MEI4: variants seen among roughly 807,000 people sequenced by gnomAD.
MEI4 encodes the protein meiotic double-stranded break formation protein 4.
MEI4 carries 27 observed loss-of-function variants against 31.4 expected under a neutral mutation model. The observed-to-expected ratio is 0.86, with a 90% CI of 0.63 to 1.19. The LOEUF (loss-of-function observed/expected upper bound fraction) is 1.19. MEI4 is among the 50% of genes most tolerant of loss of function. The probability of loss-of-function intolerance (pLI) is 0.00; values close to 1 mark genes in which losing one functional copy is unlikely to be tolerated. For synonymous variants in MEI4, 122 were observed against 145.4 expected, an observed-to-expected ratio of 0.84 and a Z score of 1.16; for missense variants, 329 against 398.9, an observed-to-expected ratio of 0.82 and a Z score of 1.49.
chr6:77,740,863 G>T (rs1166242359), intron 2 of MEI4, among the ~76,000 whole-genome samples: 2 of 151,904 alleles, frequency 1.3e-5, no homozygotes, highest in African/African-American at 2.4e-5. Context: ...ATGTAGGAGA[G>T]CAGGCATCAA....
chr6:77,787,801 C>A (rs1488486993), intron 3 of MEI4, among the ~76,000 whole-genome samples: 1 of 152,032 alleles, frequency 6.6e-6, no homozygotes, highest in Non-Finnish European at 1.5e-5. Context: ...AGATATATAA[C>A]CACATGAAAT....
chr6:77,772,304 G>C (rs1480172502), intron 3 of MEI4, among the ~76,000 whole-genome samples: 1 of 147,610 alleles, frequency 6.8e-6, no homozygotes, highest in Non-Finnish European at 1.5e-5. Context: ...CATGAACATT[G>C]TTACAAAATC....
intron 1 of MEI4, among the ~76,000 whole-genome samples, chr6:77,678,783 A>T (rs1455774550): frequency 1.3e-5 from 2 of 152,236 alleles, no homozygotes; most frequent in African/African-American, 4.8e-5. Context: ...ATCTGCAAGA[A>T]GGCGTTATCA....
chr6:77,838,884 C>A (rs1468159304), intron 4 of MEI4, among the ~76,000 whole-genome samples: 1 of 148,480 alleles, frequency 6.7e-6, no homozygotes, highest in East Asian at 2.0e-4. Context: ...ACCTGGGCGA[C>A]AAGAGCGAAA....
At chr6:77,680,370 A>G (rs1204416549) in intron 1 of MEI4, among the ~76,000 whole-genome samples, 1 of 152,028 alleles carries the variant, frequency 6.6e-6, no homozygotes, top group African/African-American at 2.4e-5. Flanking sequence ...GGTAAGTCGC[A>G]TGGATCTTAT....
chr6:77,882,958 A>G (rs566111488), intron 4 of MEI4, among the ~76,000 whole-genome samples: 4 of 152,300 alleles, frequency 2.6e-5, no homozygotes, highest in South Asian at 4.1e-4. Flanking sequence ...TTTATTTTAG[A>G]TATATCTTTG....
chr6:77,747,422 A>T (rs1166892762), intron 2 of MEI4, among the ~76,000 whole-genome samples: 2 of 152,196 alleles, frequency 1.3e-5, no homozygotes, highest in African/African-American at 4.8e-5. Flanking sequence ...CCCTCAGGAA[A>T]CGCACAGTCA....
chr6:77,687,447 G>C (rs1769078791), intron 1 of MEI4, among the ~76,000 whole-genome samples: 1 of 152,050 alleles, frequency 6.6e-6, no homozygotes, highest in African/African-American at 2.4e-5. Context: ...GATTCTCTGG[G>C]CACGAACTAG....
intron 2 of MEI4, among the ~76,000 whole-genome samples, chr6:77,735,073 T>C (rs1333540514): frequency 4.6e-5 from 7 of 152,190 alleles, no homozygotes; most frequent in Admixed American, 1.3e-4. Flanking sequence ...TAACGTTTTT[T>C]CCTTCATTTC....
chr6:77,732,555 C>A (rs1767035059), intron 2 of MEI4, among the ~76,000 whole-genome samples: 1 of 151,966 alleles, frequency 6.6e-6, no homozygotes, highest in South Asian at 2.1e-4. Context: ...TCCAGATATA[C>A]AATCATGTCA....
chr6:77,745,641 C>A (rs1767576498), intron 2 of MEI4, among the ~76,000 whole-genome samples: 1 of 152,186 alleles, frequency 6.6e-6, no homozygotes, highest in African/African-American at 2.4e-5. Flanking sequence ...CTACAGAACT[C>A]TCCACCCCAA....
At chr6:77,908,180 T>C (rs977358947) in intron 4 of MEI4, among the ~76,000 whole-genome samples, 2 of 152,162 alleles carry the variant, frequency 1.3e-5, no homozygotes, top group African/African-American at 4.8e-5. Context: ...ATTTTGGCTT[T>C]TGTTGCCATT....
Position 77,884,078 on chromosome 6 carries a change from T to G in MEI4, c.901-39011T>G, listed in dbSNP as rs148614765. Among the ~76,000 whole-genome samples, 85 of 152,244 alleles carry G rather than the reference T, an allele frequency of 5.6e-4. 1 individual carries two copies. Among genetic ancestry groups the G allele is most frequent in the African/African-American group, 2.0e-3 (83 of 41,564 alleles). ...TGTAATAGTAAGATGATATCTCATT[T>G]TGTTTTTATATTCACTTCCCTTATG... On this transcript the variant is annotated intron_variant, in intron 4 of 4. Coordinates refer to ENST00000684080, the MANE Select transcript of MEI4 (RefSeq NM_001322247.2).
At chr6:77,730,181 G>A (rs1051653290) in intron 2 of MEI4, among the ~76,000 whole-genome samples, 3 of 152,166 alleles carry the variant, frequency 2.0e-5, no homozygotes, top group African/African-American at 7.2e-5. Flanking sequence ...CGTGTACAGT[G>A]TATAGGGGGC....
chr6:77,843,183 T>C (rs145565931), intron 4 of MEI4, among the ~76,000 whole-genome samples: 211 of 151,860 alleles, frequency 1.4e-3, no homozygotes, highest in African/African-American at 4.5e-3. Context: ...TAAATTATGC[T>C]ATGCCTTAGT....
At chr6:77,875,181 C>A (rs1401459962) in intron 4 of MEI4, among the ~76,000 whole-genome samples, 2 of 152,146 alleles carry the variant, frequency 1.3e-5, no homozygotes, top group African/African-American at 4.8e-5. Flanking sequence ...CTGTTTTGGT[C>A]TCTCTCAGTA....
intron 4 of MEI4, among the ~76,000 whole-genome samples, chr6:77,919,452 A>T (rs974231003): frequency 2.0e-5 from 3 of 152,126 alleles, no homozygotes; most frequent in Non-Finnish European, 4.4e-5. Flanking sequence ...GAAACCAACG[A>T]GAACAAAGAC....
At chr6:77,771,653 G>A (rs112386088) in intron 3 of MEI4, among the ~76,000 whole-genome samples, 123 of 152,208 alleles carry the variant, frequency 8.1e-4, no homozygotes, top group African/African-American at 2.9e-3. Context: ...GGATGGAACT[G>A]GAGACCATTA....
intron 3 of MEI4, among the ~76,000 whole-genome samples, chr6:77,808,019 T>G (rs926372419): frequency 6.6e-6 from 1 of 152,176 alleles, no homozygotes; most frequent in African/African-American, 2.4e-5. Flanking sequence ...TCAGAAAGTT[T>G]GAAAGCAGTG....
Sources: gnomAD v4.1 joint callset for allele counts (sites outside exome capture counted in the v4.1 genomes callset) on GRCh38, gnomAD v4.1.1 for gene constraint, MANE v1.5 for transcripts, NCBI Gene and HGNC (gene_info 2026-07-23, HGNC 2026-07-21) for gene names.